Variants in CFDP1 observed in about 807,000 individuals in gnomAD.
The protein encoded by CFDP1 is chromatin remodeling protein CFDP1.
CFDP1 carries 31 observed loss-of-function variants against 40.1 expected under a neutral mutation model. That is an observed-to-expected ratio of 0.77 (90% CI 0.58 to 1.04). The LOEUF (loss-of-function observed/expected upper bound fraction) is 1.04, where lower values mean the gene tolerates loss of function less well. CFDP1 is among the 50% of genes least tolerant of loss of function. The pLI is 0.00. For synonymous variants in CFDP1, 167 were observed against 120.0 expected, an observed-to-expected ratio of 1.39 and a Z score of -2.56; for missense variants, 423 against 343.4, an observed-to-expected ratio of 1.23 and a Z score of -1.83.
At chr16:75,372,648 T>C (rs916336243) in intron 5 of CFDP1, 10 of 152,226 alleles carry the variant, frequency 6.6e-5, no homozygotes, top group Admixed American at 6.5e-4. Context: ...GCCAATCTAC[T>C]TGCTCAACTG....
chr16:75,407,198 T>C (rs1310203774), intron 4 of CFDP1, among the ~76,000 whole-genome samples: 1 of 152,130 alleles, frequency 6.6e-6, no homozygotes, highest in Non-Finnish European at 1.5e-5. Context: ...CAGAGTGAGT[T>C]AGCTCCTGTC....
chr16:75,318,400 CTT>C (rs1353621153), intron 5 of CFDP1, among the ~76,000 whole-genome samples: 5 of 117,856 alleles, frequency 4.2e-5, no homozygotes, highest in Non-Finnish European at 7.7e-5. Flanking sequence ...GGCATGCTTT[CTT>C]TCTTTCTTTT....
At chr16:75,387,342 C>T (rs467223) in intron 5 of CFDP1, among the ~76,000 whole-genome samples, 26,778 of 151,942 alleles carry the variant, frequency 0.18, 2,532 homozygotes, top group East Asian at 0.39. Flanking sequence ...GGGGTTTCAC[C>T]GTGTTAGCCA....
At chr16:75,314,151 C>T (rs2078311163) in intron 5 of CFDP1, among the ~76,000 whole-genome samples, 1 of 152,202 alleles carries the variant, frequency 6.6e-6, no homozygotes, top group Non-Finnish European at 1.5e-5. Flanking sequence ...TCCCAAAGTG[C>T]AGAGATTACA....
rs990137471 is a variant in CFDP1 at position 75,420,636 on chromosome 16, T to A, written c.65-5941A>T. ...ACAAGCTATAACCATTTTGGAAAAT[T>A]TGAGTATGATCTATATATAAGATAA... On this transcript the variant is annotated intron_variant, in intron 1 of 6. Coordinates refer to ENST00000283882, the MANE Select transcript of CFDP1 (RefSeq NM_006324.3). 2.6e-5 allele frequency among the ~76,000 whole-genome samples: 4 copies of A among 152,186 alleles called. No homozygotes were observed. The East Asian group carries it at 7.7e-4, about 29-fold the overall frequency.
chr16:75,299,574 A>C (rs1373386561), intron 6 of CFDP1, among the ~76,000 whole-genome samples: 1 of 151,640 alleles, frequency 6.6e-6, no homozygotes. Flanking sequence ...CAGCCTGGGG[A>C]AAAGAGCGAG....
rs546724752 is a variant in CFDP1, at chr16:75,301,536, CTTTTTT to C, written c.809+3482_809+3487del. On this transcript the variant is annotated intron_variant, in intron 6 of 6. Coordinates refer to ENST00000283882, the MANE Select transcript of CFDP1 (RefSeq NM_006324.3). ...TCTCAACATTAGAGTTTTGTTGTGT[CTTTTTT>C]TTTTTTTTTTTTTTTTTTTTTTGGT... Among the ~76,000 whole-genome samples the C allele has an allele frequency of 3.5e-3, 189 of 53,958 alleles. 2 individuals carry two copies. Among genetic ancestry groups the C allele is most frequent in the Admixed American group, 4.5e-3 (14 of 3,124 alleles). The allele number at this position is 53,958 out of a possible 152,430, so 35.4% of individuals were successfully genotyped here. A position where few individuals can be genotyped will look rare whatever the true frequency, so the allele number is the denominator to read the frequency against.
chr16:75,422,409 T>C (rs1260577746), intron 1 of CFDP1, among the ~76,000 whole-genome samples: 1 of 149,792 alleles, frequency 6.7e-6, no homozygotes, highest in Non-Finnish European at 1.5e-5. Flanking sequence ...TTTTTTTTTT[T>C]TTTTTTTTGA....
chr16:75,302,774 G>A (rs1372934345), intron 6 of CFDP1, among the ~76,000 whole-genome samples: 1 of 152,240 alleles, frequency 6.6e-6, no homozygotes, highest in South Asian at 2.1e-4. Context: ...CTCGTGAAGA[G>A]ACAACACTGC....
chr16:75,340,719 C>T (rs2078521081), intron 5 of CFDP1, among the ~76,000 whole-genome samples: 1 of 152,208 alleles, frequency 6.6e-6, no homozygotes, highest in African/African-American at 2.4e-5. Context: ...TTCTCTGTCA[C>T]AGATTCTTTT....
intron 5 of CFDP1, among the ~76,000 whole-genome samples, chr16:75,357,780 T>G (rs1396245676): frequency 6.6e-6 from 1 of 152,228 alleles, no homozygotes; most frequent in Non-Finnish European, 1.5e-5. Context: ...TTATCATTTG[T>G]GCGTTCACTG....
chr16:75,335,519 CCTACTTTAT>C (rs142169976), intron 5 of CFDP1, among the ~76,000 whole-genome samples: 2,304 of 151,666 alleles, frequency 0.015, 53 homozygotes, highest in African/African-American at 0.052. Context: ...CAACTGATTT[CCTACTTTAT>C]CTATAAGCAC....
At chr16:75,364,056 G>C (rs981521957) in intron 5 of CFDP1, among the ~76,000 whole-genome samples, 1 of 151,616 alleles carries the variant, frequency 6.6e-6, no homozygotes, top group Non-Finnish European at 1.5e-5. Context: ...ACCTAATTTA[G>C]ATTGGAGATG....
intron 5 of CFDP1, among the ~76,000 whole-genome samples, chr16:75,344,491 T>C (rs1265055537): frequency 6.6e-6 from 1 of 152,220 alleles, no homozygotes; most frequent in Non-Finnish European, 1.5e-5. Flanking sequence ...AACCACGTTA[T>C]AGCTTATGTT....
At chr16:75,323,084 TA>T in intron 5 of CFDP1, among the ~76,000 whole-genome samples, 1 of 152,296 alleles carries the variant, frequency 6.6e-6, no homozygotes, top group South Asian at 2.1e-4. Context: ...ATAAACTTTT[TA>T]ATCTTTTAAA....
intron 4 of CFDP1, among the ~76,000 whole-genome samples, chr16:75,398,669 G>A (rs1597383441): frequency 6.6e-6 from 1 of 152,112 alleles, no homozygotes; most frequent in Non-Finnish European, 1.5e-5. Context: ...GAGATCATAT[G>A]GGAAGATCAC....
intron 5 of CFDP1, among the ~76,000 whole-genome samples, chr16:75,392,950 G>C (rs1377097158): frequency 6.6e-6 from 1 of 152,312 alleles, no homozygotes; most frequent in East Asian, 1.9e-4. Flanking sequence ...TGCTCAGTGG[G>C]AGAGAAATAT....
At chr16:75,338,189 T>G (rs1331594686) in intron 5 of CFDP1, among the ~76,000 whole-genome samples, 1 of 152,116 alleles carries the variant, frequency 6.6e-6, no homozygotes, top group Non-Finnish European at 1.5e-5. Flanking sequence ...AATGATGGGT[T>G]ACAAAAGAGA....
chr16:75,304,919 C>T (rs2078247085), intron 6 of CFDP1, 105 bp downstream of exon 6: 14 of 1,202,164 alleles, frequency 1.2e-5, no homozygotes, highest in Non-Finnish European at 1.5e-5. Context: ...TTAGTTCCAT[C>T]ATGAAAAGCT....
Sources: gnomAD v4.1 joint callset for allele counts (sites outside exome capture counted in the v4.1 genomes callset) on GRCh38, gnomAD v4.1.1 for gene constraint, MANE v1.5 for transcripts, NCBI Gene and HGNC (gene_info 2026-07-23, HGNC 2026-07-21) for gene names.